Variants in RAI1 observed in about 807,000 individuals in gnomAD.
RAI1 encodes retinoic acid induced 1, also known as retinoic acid-induced protein 1.
A neutral mutation model predicts 123.8 loss-of-function variants in RAI1; 9 were observed. That is an observed-to-expected ratio of 0.07 (90% CI 0.04 to 0.13). The LOEUF is 0.13. RAI1 is among the 10% of genes least tolerant of loss of function. The pLI, the probability that RAI1 is intolerant of heterozygous loss-of-function variation, is 1.00. For synonymous variants in RAI1, 1,231 were observed against 1,127.3 expected, an observed-to-expected ratio of 1.09 and a Z score of -1.84; for missense variants, 2,256 against 2,545.8, an observed-to-expected ratio of 0.89 and a Z score of 2.45.
At chr17:17,694,917 G>A (rs1480373813) in intron 1 of RAI1, among the ~76,000 whole-genome samples, 1 of 152,096 alleles carries the variant, frequency 6.6e-6, no homozygotes, top group Non-Finnish European at 1.5e-5. Context: ...CGTTGCGGCC[G>A]GCGCTTGCGG....
intron 1 of RAI1, among the ~76,000 whole-genome samples, chr17:17,703,652 T>G (rs1158654553): frequency 6.6e-6 from 1 of 152,124 alleles, no homozygotes; most frequent in Non-Finnish European, 1.5e-5. Context: ...TGTTTCTGTT[T>G]TAGTTGCAAC....
chr17:17,809,977 C>T lies in RAI1; in HGVS notation c.5717C>T (p.Pro1906Leu), dbSNP rs754508586. 169 of 1,552,404 alleles carry T rather than the reference C, an allele frequency of 1.1e-4. No homozygotes were observed. Among genetic ancestry groups the T allele is most frequent in the Non-Finnish European group, 1.4e-4 (162 of 1,149,768 alleles). Residue 1906 changes from proline (P) to leucine (L), a missense_variant, in exon 6 of 6, where the codon CCG becomes CTG. Coordinates refer to ENST00000353383, the MANE Select transcript of RAI1 (RefSeq NM_030665.4). This position sits in a 1 kb window ranked among gnomAD's most constrained non-coding sequence, Gnocchi z 4.9. ...SLKCPKHKRL[P>L] ...GGCGGGCGTCTTTTGCAGAGGCTGC[C>T]GTAGTAATCCACCCCAACGGCCGGA...
At chr17:17,783,902 C>A (rs527291620) in intron 2 of RAI1, among the ~76,000 whole-genome samples, 2 of 152,282 alleles carry the variant, frequency 1.3e-5, no homozygotes, top group Admixed American at 6.5e-5. Flanking sequence ...AGCTTGCCAA[C>A]TGGAAAGCCG....
chr17:17,768,768 T>A (rs2031033809), intron 2 of RAI1, among the ~76,000 whole-genome samples: 1 of 152,022 alleles, frequency 6.6e-6, no homozygotes, highest in South Asian at 2.1e-4. Context: ...TTGGAGTGCA[T>A]GGGAGGGGGA....
chr17:17,752,285 C>T (rs1392650406), intron 2 of RAI1, among the ~76,000 whole-genome samples: 4 of 152,244 alleles, frequency 2.6e-5, no homozygotes. Context: ...GCACATGCCC[C>T]AGCCCCCAGC....
rs1212392970 is a variant in RAI1 at position 17,685,153 on chromosome 17, C to G, written c.-149+3360C>G. On this transcript the variant is annotated intron_variant, in intron 1 of 5. Coordinates refer to ENST00000353383, the MANE Select transcript of RAI1 (RefSeq NM_030665.4). This position sits in a 1 kb window ranked among gnomAD's most constrained non-coding sequence, Gnocchi z 4.0. ...CCATGGCATGGGTGTCTTTTTCCTC[C>G]CCTATCCAACGTGTGGCTCCACAGG... 6.6e-6 allele frequency: 1 copy of G among 152,254 alleles called. No individual in the cohort carries two copies. The highest frequency in any genetic ancestry group is 2.1e-4 in the South Asian group (1 of 4,832). The allele number at this position is 152,254 out of a possible 1,614,324, so 9.4% of individuals were successfully genotyped here. A position where few individuals can be genotyped will look rare whatever the true frequency, so the allele number is the denominator to read the frequency against.
chr17:17,748,146 A>G (rs555885197), intron 2 of RAI1, among the ~76,000 whole-genome samples: 4 of 152,356 alleles, frequency 2.6e-5, no homozygotes, highest in South Asian at 4.1e-4. Context: ...AGGACACCCA[A>G]TCTTCTTTAC....
In RAI1 at chr17:17,737,405, G is replaced by A. The variant is rs146671270; in HGVS notation, c.-17+13246G>A. Among the ~76,000 whole-genome samples the A allele has an allele frequency of 5.6e-4, 85 of 152,262 alleles. 1 individual carries two copies. The highest frequency in any genetic ancestry group is 8.4e-4 in the Non-Finnish European group (57 of 68,004). ...GGCTTCTGAGGAACCTTTCCAGAAT[G>A]CAGCCTTTGCCACCCCCTGGCCCAA... is the stretch of plus-strand genomic sequence containing the variant. On this transcript the variant is annotated intron_variant, in intron 2 of 5. Transcript: ENST00000353383.
intron 2 of RAI1, among the ~76,000 whole-genome samples, chr17:17,762,304 C>A (rs370771327): frequency 2.0e-5 from 3 of 151,920 alleles, no homozygotes; most frequent in Non-Finnish European, 2.9e-5. Flanking sequence ...GCGTCCCAGG[C>A]GGAGGGAACA....
chr17:17,727,947 C>T (rs1916146951), intron 2 of RAI1, among the ~76,000 whole-genome samples: 1 of 152,118 alleles, frequency 6.6e-6, no homozygotes. Context: ...CCCTCCCCTG[C>T]AGCACACCAA....
At chr17:17,754,023 C>T (rs1345814108) in intron 2 of RAI1, among the ~76,000 whole-genome samples, 1 of 152,110 alleles carries the variant, frequency 6.6e-6, no homozygotes, top group Non-Finnish European at 1.5e-5. Context: ...GAAAGGCCTC[C>T]ATGCTGACAC....
At chr17:17,717,673 C>G (rs1170964038) in intron 1 of RAI1, among the ~76,000 whole-genome samples, 2 of 152,176 alleles carry the variant, frequency 1.3e-5, no homozygotes, top group Admixed American at 1.3e-4. Flanking sequence ...CTCCTGCCCC[C>G]CACCTGGGCC....
At chr17:17,787,016 A>G (rs967229472) in intron 2 of RAI1, among the ~76,000 whole-genome samples, 45 of 152,344 alleles carry the variant, frequency 3.0e-4, no homozygotes, top group African/African-American at 1.1e-3. Context: ...ACTCTAGCCT[A>G]GGCAACAGGA....
rs377368798 is a variant in RAI1 at position 17,799,523 on chromosome 17, C to G, written c.5565+1010C>G. 6.6e-6 allele frequency among the ~76,000 whole-genome samples: 1 copy of G among 152,176 alleles called. No individual in the cohort carries two copies. Among genetic ancestry groups the G allele is most frequent in the Non-Finnish European group, 1.5e-5 (1 of 68,012 alleles). On this transcript the variant is annotated intron_variant, in intron 3 of 5. Coordinates refer to ENST00000353383, the MANE Select transcript of RAI1 (RefSeq NM_030665.4). The surrounding 1 kb of genome is among the most constrained non-coding windows in gnomAD (Gnocchi z 4.5). ...GACTCCACTGCCTCATCCAGACTTC[C>G]GTGGAGTGACGCTCCCGGCTCTCAG...
At position 17,780,487 on chromosome 17, in the gene RAI1, G is replaced by A. The variant is rs544097649; in HGVS notation, c.-16-12446G>A. On this transcript the variant is annotated intron_variant, in intron 2 of 5. Transcript: ENST00000353383. ...ATCCTGTATTCACCAAAGCCCCACG[G>A]GCATCTCCCCGATTGAGGTCCCACC... is the stretch of plus-strand genomic sequence containing the variant. Among the ~76,000 whole-genome samples the A allele has an allele frequency of 2.0e-5, 3 of 152,242 alleles. No homozygotes were observed. The East Asian group carries it at 5.8e-4, about 29-fold the overall frequency.
At chr17:17,756,769 A>G (rs541318972) in intron 2 of RAI1, among the ~76,000 whole-genome samples, 1 of 152,324 alleles carries the variant, frequency 6.6e-6, no homozygotes, top group Non-Finnish European at 1.5e-5. Flanking sequence ...GCACTGGAGA[A>G]AGCAAATCAG....
At chr17:17,704,898 T>C (rs1915346575) in intron 1 of RAI1, among the ~76,000 whole-genome samples, 4 of 151,980 alleles carry the variant, frequency 2.6e-5, no homozygotes, top group Admixed American at 2.6e-4. Flanking sequence ...TGACCAGTTA[T>C]GGCCCGTGAG....
intron 1 of RAI1, among the ~76,000 whole-genome samples, chr17:17,722,906 G>A (rs550995871): frequency 6.6e-6 from 1 of 152,300 alleles, no homozygotes; most frequent in Admixed American, 6.5e-5. Flanking sequence ...GCCTGTTGGC[G>A]CCTTAAGCGG....
intron 1 of RAI1, among the ~76,000 whole-genome samples, chr17:17,711,158 G>C (rs910462104): frequency 3.3e-5 from 5 of 152,212 alleles, no homozygotes; most frequent in African/African-American, 9.7e-5. Context: ...AGAGGCTGGT[G>C]ATAGGGGAGC....
Sources: allele counts gnomAD v4.1 joint callset (sites outside exome capture counted in the v4.1 genomes callset), GRCh38; gene constraint gnomAD v4.1.1; non-coding constraint Gnocchi (gnomAD v3.1); transcripts MANE v1.5; gene names NCBI Gene and HGNC (gene_info 2026-07-23, HGNC 2026-07-21).